Variants in FRMD5 observed in about 807,000 individuals in gnomAD.
The protein encoded by FRMD5 is FERM domain-containing protein 5.
A neutral mutation model predicts 69.0 loss-of-function variants in FRMD5; 20 were observed. That is an observed-to-expected ratio of 0.29 (90% CI 0.20 to 0.42). The LOEUF (loss-of-function observed/expected upper bound fraction) is 0.42, where lower values mean the gene tolerates loss of function less well. Among genes scored for constraint, FRMD5 ranks in the 10% least tolerant of loss-of-function variants. The pLI is 1.00. For synonymous variants in FRMD5, 271 were observed against 260.1 expected (o/e 1.04, Z -0.40); for missense variants, 595 against 708.6 (o/e 0.84, Z 1.82).
intron 1 of FRMD5, among the ~76,000 whole-genome samples, chr15:43,972,584 G>T (rs777456819): frequency 6.6e-6 from 1 of 152,154 alleles, no homozygotes; most frequent in Non-Finnish European, 1.5e-5. Flanking sequence ...ACATGATGTA[G>T]TTACTGCAGC....
chr15:44,194,791 G>T, intron 1 of FRMD5, 162 bp downstream of exon 1: 1 of 717,194 alleles, frequency 1.4e-6, no homozygotes, highest in Non-Finnish European at 2.5e-6. Context: ...AGGGGCTCCG[G>T]TGAAGACGCC....
intron 1 of FRMD5, among the ~76,000 whole-genome samples, chr15:44,098,237 G>T (rs1250150750): frequency 6.6e-6 from 1 of 151,840 alleles, no homozygotes. Flanking sequence ...CTACTAAAAG[G>T]GATACAAGGC....
rs765083089 is a variant in FRMD5 at position 43,905,824 on chromosome 15, G to A, written c.551+4C>T. ...TGTTCTGGGCCTGATTAAGTGCCAC[G>A]TACCTCAGTTCCGTCTTGTGAATCT... On this transcript the variant is annotated splice_donor_region_variant and intron_variant, in intron 6 of 13. Transcript: ENST00000417257. The A allele has an allele frequency of 2.8e-5, 45 of 1,613,994 alleles. No individual in the cohort carries two copies. Among genetic ancestry groups the A allele is most frequent in the South Asian group, 1.4e-4 (13 of 91,070 alleles).
chr15:44,109,083 C>T lies in FRMD5; in HGVS notation c.102+85870G>A, dbSNP rs570677809. Among the ~76,000 whole-genome samples, 129 of 152,128 alleles carry T rather than the reference C, an allele frequency of 8.5e-4. 1 individual carries two copies. Among genetic ancestry groups the T allele is most frequent in the African/African-American group, 3.0e-3 (123 of 41,524 alleles). ...CTTAGTGCCCGGCCCATAATATGTA[C>T]TCAATAAAATGTTAGATACTATTGT... On this transcript the variant is annotated intron_variant, in intron 1 of 13. Coordinates refer to ENST00000417257, the MANE Select transcript of FRMD5 (RefSeq NM_032892.5).
intron 1 of FRMD5, among the ~76,000 whole-genome samples, chr15:44,091,173 T>C (rs2076467041): frequency 6.6e-6 from 1 of 152,232 alleles, no homozygotes; most frequent in Non-Finnish European, 1.5e-5. Flanking sequence ...TACTTAAGTA[T>C]TTTTCTTCAG....
chr15:44,012,575 T>C (rs979023322), intron 1 of FRMD5, among the ~76,000 whole-genome samples: 1 of 152,148 alleles, frequency 6.6e-6, no homozygotes, highest in Non-Finnish European at 1.5e-5. Flanking sequence ...CCCAAACATC[T>C]TCACTGAACA....
intron 1 of FRMD5, among the ~76,000 whole-genome samples, chr15:44,081,092 G>A (rs1301020537): frequency 2.0e-5 from 3 of 152,070 alleles, no homozygotes; most frequent in Non-Finnish European, 4.4e-5. Context: ...AAGGCAGGAG[G>A]TCAAGGAAGG....
chr15:44,079,183 A>G (rs1893894687), intron 1 of FRMD5, among the ~76,000 whole-genome samples: 1 of 152,130 alleles, frequency 6.6e-6, no homozygotes, highest in Non-Finnish European at 1.5e-5. Context: ...TCACTAATCC[A>G]TTAGGAAAAT....
Position 44,051,411 on chromosome 15 carries a change from A to T in FRMD5, c.103-127102T>A, listed in dbSNP as rs565933020. Among the ~76,000 whole-genome samples, 8 of 150,802 alleles carry T rather than the reference A, an allele frequency of 5.3e-5. 1 individual carries two copies. In the South Asian group the frequency reaches 1.7e-3, roughly 32 times the overall value. On this transcript the variant is annotated intron_variant, in intron 1 of 13. Transcript: ENST00000417257. The stretch of plus-strand genomic sequence containing the variant: ...ACCCCGTCTCTACTAAAAATACAAA[A>T]ATTAGCCCAGTTTTAAAGATATTAC...
At chr15:43,927,105 C>T (rs767997652) in intron 1 of FRMD5, among the ~76,000 whole-genome samples, 9 of 152,058 alleles carry the variant, frequency 5.9e-5, no homozygotes, top group African/African-American at 9.7e-5. Context: ...AGTATGCCTA[C>T]GCTCCCTTTT....
intron 12 of FRMD5, 73 bp downstream of exon 12, chr15:43,884,654 G>A (rs1461800033): frequency 2.1e-6 from 3 of 1,397,442 alleles, no homozygotes; most frequent in South Asian, 2.4e-5. Flanking sequence ...GGGCTTCACA[G>A]TACTCAAACT....
At position 44,026,201 on chromosome 15, in the gene FRMD5, A is replaced by C. The variant is rs373657282; in HGVS notation, c.103-101892T>G. On this transcript the variant is annotated intron_variant, in intron 1 of 13. Transcript: ENST00000417257. Reference sequence around the variant, plus strand: ...TCGCCATGTTGGCCAGGCTGGTCTCAAACTGCTGACCTCAAGTGATCCACC... The same window carrying C: ...TCGCCATGTTGGCCAGGCTGGTCTCCAACTGCTGACCTCAAGTGATCCACC... Among the ~76,000 whole-genome samples, 257 of 152,280 alleles carry C rather than the reference A, an allele frequency of 1.7e-3. 7 individuals carry two copies. The South Asian group carries it at 0.053, about 31-fold the overall frequency.
intron 1 of FRMD5, among the ~76,000 whole-genome samples, chr15:44,095,617 T>C (rs144715114): frequency 7.2e-5 from 11 of 152,160 alleles, no homozygotes; most frequent in African/African-American, 2.7e-4. Flanking sequence ...CTGTGCTGCT[T>C]CTTCTTTCTT....
intron 1 of FRMD5, among the ~76,000 whole-genome samples, chr15:44,067,647 A>G (rs1319548530): frequency 2.6e-5 from 4 of 152,120 alleles, no homozygotes; most frequent in African/African-American, 9.7e-5. Context: ...TACTAATCCC[A>G]TTCATGATGG....
At chr15:43,879,766 G>T in intron 13 of FRMD5, 1 of 398,118 alleles carries the variant, frequency 2.5e-6, no homozygotes. Context: ...GGCAAAGATG[G>T]AAAGCCAACT....
At chr15:44,010,877 T>TAA (rs113434117) in intron 1 of FRMD5, among the ~76,000 whole-genome samples, 4 of 148,756 alleles carry the variant, frequency 2.7e-5, no homozygotes, top group Admixed American at 6.7e-5. Flanking sequence ...TACTCAACGT[T>TAA]AAAAAAAAAA....
At chr15:44,060,412 A>T (rs1893044727) in intron 1 of FRMD5, among the ~76,000 whole-genome samples, 1 of 152,200 alleles carries the variant, frequency 6.6e-6, no homozygotes, top group African/African-American at 2.4e-5. Context: ...AAATTAAATC[A>T]TTCAGCTTCA....
upstream of FRMD5, chr15:44,195,402 A>G: frequency 3.2e-6 from 1 of 315,518 alleles, no homozygotes; most frequent in Non-Finnish European, 5.9e-6. Flanking sequence ...TACTGGGATG[A>G]TGGGCGGGAT....
chr15:43,997,704 G>C (rs563123288), intron 1 of FRMD5, among the ~76,000 whole-genome samples: 1 of 151,976 alleles, frequency 6.6e-6, no homozygotes, highest in Non-Finnish European at 1.5e-5. Flanking sequence ...CCATAATCTA[G>C]ACAATGCTTG....
Sources: allele counts gnomAD v4.1 joint callset (sites outside exome capture counted in the v4.1 genomes callset), GRCh38; gene constraint gnomAD v4.1.1; transcripts MANE v1.5; gene names NCBI Gene and HGNC (gene_info 2026-07-23, HGNC 2026-07-21).